USP18: variants seen among roughly 807,000 people sequenced by gnomAD.
USP18 encodes ubiquitin specific peptidase 18.
A neutral mutation model predicts 48.7 loss-of-function variants in USP18; 11 were observed. That is an observed-to-expected ratio of 0.23 (90% CI 0.14 to 0.37). The LOEUF (loss-of-function observed/expected upper bound fraction) is 0.37, where lower values mean the gene tolerates loss of function less well. USP18 is among the 10% of genes least tolerant of loss of function. The probability of loss-of-function intolerance (pLI) is 1.00; values close to 1 mark genes in which losing one functional copy is unlikely to be tolerated. For synonymous variants in USP18, 114 were observed against 163.2 expected, an observed-to-expected ratio of 0.70 and a Z score of 2.30; for missense variants, 285 against 436.4, an observed-to-expected ratio of 0.65 and a Z score of 3.09.
chr22:18,160,689 T>C (rs531966947), intron 3 of USP18, among the ~76,000 whole-genome samples: 5 of 152,028 alleles, frequency 3.3e-5, no homozygotes, highest in African/African-American at 9.7e-5. Flanking sequence ...GAGGAAAGAT[T>C]GGCTTCTGCA....
chr22:18,158,085 T>G (rs1476520211), intron 2 of USP18, among the ~76,000 whole-genome samples: 3 of 151,986 alleles, frequency 2.0e-5, no homozygotes, highest in African/African-American at 7.2e-5. Flanking sequence ...GTCGGGAGTT[T>G]AAGACCAGCC....
In USP18 at chr22:18,173,170, T is replaced by C. The variant is rs1929683998; in HGVS notation, c.912T>C (p.Leu304=). The change falls in exon 9 of 11, where the codon CTT becomes CTC. Residue 304 remains leucine (L), a synonymous_variant. Coordinates refer to ENST00000215794, the MANE Select transcript of USP18 (RefSeq NM_017414.4). ...AEEQSGGQYE[L]FAVIAHVGMA... is the part of the protein sequence containing the mutation. The stretch of plus-strand genomic sequence containing the variant: ...TCCAGTCTGGAGGGCAGTATGAGCT[T>C]TTTGCTGTGATTGCGCACGTGGGAA... 1 of 1,603,960 alleles carries C rather than the reference T, an allele frequency of 6.2e-7. No homozygotes were observed. The highest frequency in any genetic ancestry group is 1.7e-5 in the Admixed American group (1 of 59,386).
intron 9 of USP18, among the ~76,000 whole-genome samples, chr22:18,173,556 C>T (rs5992190): frequency 5.3e-5 from 8 of 152,020 alleles, no homozygotes; most frequent in South Asian, 2.1e-4. Flanking sequence ...TAGAGAGCAA[C>T]GAGTGTTAGA....
rs190674660 is a variant in USP18 at position 18,174,312 on chromosome 22, C to T, written c.1073+470C>T. On this transcript the variant is annotated intron_variant, in intron 10 of 10. Transcript: ENST00000215794. The stretch of plus-strand genomic sequence containing the variant: ...ACAATCTTGGCTACTACACTTGGCT[C>T]CTCCTCCCAGGTTCAAGCGATTCTC... Among the ~76,000 whole-genome samples the T allele has an allele frequency of 3.4e-3, 516 of 151,230 alleles. 2 individuals carry two copies. The highest frequency in any genetic ancestry group is 8.8e-3 in the Admixed American group (133 of 15,196).
chr22:18,153,044 G>A (rs2123724668), intron 1 of USP18, among the ~76,000 whole-genome samples: 1 of 152,348 alleles, frequency 6.6e-6, no homozygotes, highest in East Asian at 1.9e-4. Flanking sequence ...GCTGGGCCTT[G>A]TAAGAAGAAC....
Position 18,168,909 on chromosome 22 carries a change from TC to T in USP18, c.627+875del, listed in dbSNP as rs557756593. On this transcript the variant is annotated intron_variant, in intron 6 of 10. Transcript: ENST00000215794. ...TTTGTTTGGCAAAAATGTTTTTCCC[TC>T]CTACCTCCACTTCCCTCATACTGCT... Among the ~76,000 whole-genome samples, 132 of 152,274 alleles carry T rather than the reference TC, an allele frequency of 8.7e-4. 2 individuals carry two copies. The highest frequency in any genetic ancestry group is 8.4e-3 in the Admixed American group (128 of 15,306).
chr22:18,164,756 C>T (rs118093872), intron 4 of USP18, among the ~76,000 whole-genome samples: 35 of 152,270 alleles, frequency 2.3e-4, no homozygotes, highest in African/African-American at 7.9e-4. Context: ...CCTCTGTGGT[C>T]GCAGAGGATT....
intron 10 of USP18, among the ~76,000 whole-genome samples, chr22:18,175,767 G>A (rs1929767953): frequency 6.7e-6 from 1 of 148,354 alleles, no homozygotes; most frequent in Non-Finnish European, 1.5e-5. Flanking sequence ...TTCAAGCCAG[G>A]AGTTCAAGAC....
At chr22:18,157,145 G>A (rs1040814863) in intron 1 of USP18, among the ~76,000 whole-genome samples, 1 of 152,234 alleles carries the variant, frequency 6.6e-6, no homozygotes, top group African/African-American at 2.4e-5. Context: ...GCCAGAACAC[G>A]AGGCTGTTCT....
intron 1 of USP18, among the ~76,000 whole-genome samples, chr22:18,156,564 G>GT (rs1053276146): frequency 5.3e-5 from 8 of 152,084 alleles, no homozygotes; most frequent in Middle Eastern, 3.4e-3. Context: ...CTTAAGAGCT[G>GT]TAACACTCAC....
chr22:18,155,831 G>C (rs536211448), intron 1 of USP18, among the ~76,000 whole-genome samples: 1 of 152,320 alleles, frequency 6.6e-6, no homozygotes, highest in South Asian at 2.1e-4. Flanking sequence ...CCGGCTCCAC[G>C]CCGCCGAGTC....
At chr22:18,163,267 C>G (rs1929376119) in intron 4 of USP18, among the ~76,000 whole-genome samples, 2 of 152,080 alleles carry the variant, frequency 1.3e-5, no homozygotes, top group African/African-American at 4.8e-5. Context: ...GGAGATTTAT[C>G]TTGTTCTTTT....
intron 6 of USP18, among the ~76,000 whole-genome samples, chr22:18,169,408 C>G (rs1929566273): frequency 1.3e-5 from 2 of 152,206 alleles, no homozygotes; most frequent in African/African-American, 2.4e-5. Context: ...AACCCTGTCT[C>G]TACTAAAAAC....
intron 1 of USP18, among the ~76,000 whole-genome samples, chr22:18,151,452 C>T (rs1469460421): frequency 1.3e-5 from 2 of 152,198 alleles, no homozygotes; most frequent in African/African-American, 2.4e-5. Context: ...TGCAGGTTAC[C>T]GATGTGTTCG....
In USP18 at chr22:18,165,649, G is replaced by A. The variant is rs114114620; in HGVS notation, c.401-1606G>A. On this transcript the variant is annotated intron_variant, in intron 4 of 10. Coordinates refer to ENST00000215794, the MANE Select transcript of USP18 (RefSeq NM_017414.4). ...GGCTGATGGAGGTTTGATTGAGAAC[G>A]GGCAAGTTCTTCCAGCTGATCTTTC... Among the ~76,000 whole-genome samples the A allele has an allele frequency of 3.0e-3, 449 of 152,070 alleles. 2 individuals carry two copies. Among genetic ancestry groups the A allele is most frequent in the African/African-American group, 0.01 (426 of 41,496 alleles).
At chr22:18,169,093 A>C (rs3957942) in intron 6 of USP18, among the ~76,000 whole-genome samples, 1 of 151,446 alleles carries the variant, frequency 6.6e-6, no homozygotes, top group African/African-American at 2.4e-5. Flanking sequence ...GGAGGCTGTA[A>C]CTGATACAGT....
intron 1 of USP18, among the ~76,000 whole-genome samples, chr22:18,151,037 C>A (rs568307459): frequency 3.2e-4 from 49 of 152,284 alleles, no homozygotes; most frequent in African/African-American, 1.1e-3. Context: ...CCAGTTTTTA[C>A]TGGCACAGAT....
rs776711047 is a variant in USP18, at chr22:18,161,859, G to T, written c.324G>T (p.Glu108Asp). 6.2e-7 allele frequency: 1 copy of T among 1,613,828 alleles called. No individual in the cohort carries two copies. Among genetic ancestry groups the T allele is most frequent in the Non-Finnish European group, 8.5e-7 (1 of 1,179,942 alleles). Reference protein sequence around the residue: ...SVPFQMLLLLEKMQDSRQKAV... With the variant: ...SVPFQMLLLLDKMQDSRQKAV... ...CTTTCCAGATGCTTCTGCTGCTGGAGAAGATGCAGGACAGCCGGCAGAAAG... is the reference window on the plus strand; with the variant it reads ...CTTTCCAGATGCTTCTGCTGCTGGATAAGATGCAGGACAGCCGGCAGAAAG... Residue 108 changes from glutamate (E) to aspartate (D), a missense_variant, in exon 4 of 11, where the codon GAG becomes GAT. Glu to Asp is a conservative substitution (Grantham distance 45). Transcript: ENST00000215794.
intron 3 of USP18, among the ~76,000 whole-genome samples, chr22:18,161,182 G>T (rs1679810325): frequency 6.6e-6 from 1 of 151,058 alleles, no homozygotes; most frequent in Admixed American, 6.6e-5. Flanking sequence ...GTCGGAGAAG[G>T]AGTAAGTCAG....
Sources: gnomAD v4.1 joint callset for allele counts (sites outside exome capture counted in the v4.1 genomes callset) on GRCh38, gnomAD v4.1.1 for gene constraint, MANE v1.5 for transcripts, NCBI Gene and HGNC (gene_info 2026-07-23, HGNC 2026-07-21) for gene names.